The following ALDH3A1 variants were observed in gnomAD, a reference collection of about 807,000 sequenced individuals.
The protein encoded by ALDH3A1 is aldehyde dehydrogenase 3 family member A1, also known as aldehyde dehydrogenase, dimeric NADP-preferring.
ALDH3A1 carries 46 observed loss-of-function variants against 49.9 expected under a neutral mutation model. The observed-to-expected ratio is 0.92, with a 90% CI of 0.73 to 1.18. The LOEUF is 1.18. ALDH3A1 is among the 50% of genes most tolerant of loss of function. The probability of loss-of-function intolerance (pLI) is 0.00; values close to 1 mark genes in which losing one functional copy is unlikely to be tolerated. For missense variants in ALDH3A1, 592 were observed against 611.8 expected, an observed-to-expected ratio of 0.97 and a Z score of 0.34; for synonymous variants, 269 against 253.3, an observed-to-expected ratio of 1.06 and a Z score of -0.59.
chr17:19,744,277 C>T, intron 2 of ALDH3A1: 1 of 635,232 alleles, frequency 1.6e-6, no homozygotes, highest in Non-Finnish European at 2.0e-6. Context: ...GTGGTACACG[C>T]CTGTTGTCCC....
chr17:19,740,515 G>A (rs1186288729), intron 6 of ALDH3A1, 38 bp from the exon 7 acceptor site: 2 of 1,609,696 alleles, frequency 1.2e-6, no homozygotes, highest in East Asian at 4.5e-5. Context: ...TAAGGACGCA[G>A]AGCCTCGTCC....
chr17:19,742,832 G>A (rs747035030), intron 3 of ALDH3A1: 19 of 1,532,744 alleles, frequency 1.2e-5, no homozygotes, highest in South Asian at 9.6e-5. Context: ...ACGGGCACAC[G>A]CTGGCCAGAG....
chr17:19,744,093 A>G (rs1484353038), intron 2 of ALDH3A1: 4 of 985,188 alleles, frequency 4.1e-6, no homozygotes, highest in African/African-American at 1.7e-5. Flanking sequence ...GTCCTGAGCC[A>G]TTTCTTGAAA....
chr17:19,738,329 C>A lies in ALDH3A1; in HGVS notation c.1341G>T (p.Pro447=). The change falls in exon 10 of 11, where the codon CCG becomes CCT. Residue 447 remains proline (P), a synonymous_variant. Coordinates refer to ENST00000225740, the MANE Select transcript of ALDH3A1 (RefSeq NM_000691.5). ...EGLKVRYPPS[P]AKMTQH ...AGCGCCTTCCCCCTCTCACCTTGGC[C>A]GGGCTCGGGGGGTATCTGACCTTCA... is the stretch of plus-strand genomic sequence containing the variant. 6.2e-7 allele frequency: 1 copy of A among 1,612,936 alleles called. No individual in the cohort carries two copies.
At position 19,748,232 on chromosome 17, in the gene ALDH3A1, A is replaced by G. The variant is rs1264224531; in HGVS notation, c.-6+27T>C. The G allele has an allele frequency of 2.2e-6, 1 of 459,144 alleles. No homozygotes were observed. Among genetic ancestry groups the G allele is most frequent in the African/African-American group, 2.0e-5 (1 of 49,800 alleles). The allele number at this position is 459,144 out of a possible 1,614,324, so 28.4% of individuals were successfully genotyped here. A position where few individuals can be genotyped will look rare whatever the true frequency, so the allele number is the denominator to read the frequency against. ...CAGACTCCACCTAGACAAGAGAAAA[A>G]ATAAGGAATGCAGGGAAGAGGATTA... On this transcript the variant is annotated intron_variant, in intron 1 of 10. Transcript: ENST00000225740. The surrounding 1 kb of genome is among the most constrained non-coding windows in gnomAD (Gnocchi z 4.4).
At chr17:19,741,970 G>C (rs750375117) in intron 5 of ALDH3A1, 34 bp downstream of exon 5, 1 of 1,602,838 alleles carries the variant, frequency 6.2e-7, no homozygotes, top group Non-Finnish European at 8.5e-7. Flanking sequence ...AGCAGAGTAA[G>C]GACTGCTGCA....
chr17:19,741,436 G>T, intron 5 of ALDH3A1: 1 of 496,252 alleles, frequency 2.0e-6, no homozygotes, highest in Non-Finnish European at 3.7e-6. Flanking sequence ...GACGTCTGTT[G>T]AGGGCAACCT....
Position 19,743,473 on chromosome 17 carries a change from C to T in ALDH3A1, c.163-10G>A. ...AGGCGTTCCATTCATTCTGCAGCGA[C>T]AGAGCCGGAGTGAGCTTCCAGGGCC... On this transcript the variant is annotated splice_polypyrimidine_tract_variant and intron_variant, in intron 2 of 10. Coordinates refer to ENST00000225740, the MANE Select transcript of ALDH3A1 (RefSeq NM_000691.5). This position sits in a 1 kb window ranked among gnomAD's most constrained non-coding sequence, Gnocchi z 4.4. 6.3e-7 allele frequency: 1 copy of T among 1,584,218 alleles called. No individual in the cohort carries two copies. The highest frequency in any genetic ancestry group is 8.6e-7 in the Non-Finnish European group (1 of 1,162,458).
intron 1 of ALDH3A1, chr17:19,745,466 A>C: frequency 3.7e-6 from 1 of 273,544 alleles, no homozygotes; most frequent in Non-Finnish European, 6.9e-6. Flanking sequence ...TGATGGCACA[A>C]TCCCAGACCA....
At chr17:19,745,671 G>A (rs189745524) in intron 1 of ALDH3A1, 1 of 152,508 alleles carries the variant, frequency 6.6e-6, no homozygotes, top group African/African-American at 2.4e-5. Flanking sequence ...TGCCACACCT[G>A]GGAGACGCAC....
In ALDH3A1 at chr17:19,739,520, G is replaced by A. The variant is rs1478588361; in HGVS notation, c.1104C>T (p.Ser368=). 2.5e-6 allele frequency: 4 copies of A among 1,610,668 alleles called. No homozygotes were observed. The highest frequency in any genetic ancestry group is 3.4e-6 in the Non-Finnish European group (4 of 1,178,910). Residue 368 remains serine (S), a synonymous_variant, in exon 8 of 11, where the codon TCC becomes TCT. Coordinates refer to ENST00000225740, the MANE Select transcript of ALDH3A1 (RefSeq NM_000691.5). The part of the protein sequence containing the change: ...REKPLALYMF[S]SNDKVIKKMI... ...GCCCACCACCCACCTTGTCGTTGCT[G>A]GAGAACATGTAGAGGGCCAGGGGCT...
At chr17:19,744,666 G>A in intron 2 of ALDH3A1, 4 of 985,402 alleles carry the variant, frequency 4.1e-6, no homozygotes, top group Non-Finnish European at 3.6e-6. Context: ...CCTGCGTGGG[G>A]CTGAGGAATG....
intron 1 of ALDH3A1, among the ~76,000 whole-genome samples, chr17:19,747,528 G>A (rs1211460502): frequency 6.6e-6 from 1 of 152,168 alleles, no homozygotes; most frequent in Non-Finnish European, 1.5e-5. Flanking sequence ...CCCCAGCATC[G>A]CCACTTGGAA....
chr17:19,747,038 C>T (rs1485126072), intron 1 of ALDH3A1, among the ~76,000 whole-genome samples: 1 of 152,164 alleles, frequency 6.6e-6, no homozygotes, highest in African/African-American at 2.4e-5. Flanking sequence ...TTACCAGTTC[C>T]TTACTCCCCT....
chr17:19,744,276 G>T, intron 2 of ALDH3A1: 2 of 631,502 alleles, frequency 3.2e-6, no homozygotes, highest in Non-Finnish European at 3.9e-6. Context: ...GGTGGTACAC[G>T]CCTGTTGTCC....
At chr17:19,746,640 TGTGC>T (rs200576363) in intron 1 of ALDH3A1, among the ~76,000 whole-genome samples, 1,430 of 141,936 alleles carry the variant, frequency 0.01, 12 homozygotes, top group African/African-American at 0.035. Flanking sequence ...TGTGTGTGCG[TGTGC>T]GTGTGTGTGC....
chr17:19,746,711 ATGTGCGTGTG>A (rs1491130694), intron 1 of ALDH3A1, among the ~76,000 whole-genome samples: 2 of 138,406 alleles, frequency 1.4e-5, no homozygotes, highest in African/African-American at 2.8e-5. Flanking sequence ...GTGTGTGTGC[ATGTGCGTGTG>A]TGTGCGCGCG....
chr17:19,746,624 C>T (rs7209030), intron 1 of ALDH3A1, among the ~76,000 whole-genome samples: 2 of 147,460 alleles, frequency 1.4e-5, no homozygotes, highest in African/African-American at 2.6e-5. Context: ...TGTGTGTGTG[C>T]GTGTGTGTGT....
At chr17:19,746,619 G>A (rs1229660115) in intron 1 of ALDH3A1, among the ~76,000 whole-genome samples, 2 of 149,424 alleles carry the variant, frequency 1.3e-5, no homozygotes, top group African/African-American at 5.1e-5. Flanking sequence ...GCATGTGTGT[G>A]TGTGCGTGTG....
Sources: gnomAD v4.1 joint callset for allele counts (sites outside exome capture counted in the v4.1 genomes callset) on GRCh38, gnomAD v4.1.1 for gene constraint, Gnocchi (gnomAD v3.1) non-coding constraint, MANE v1.5 for transcripts, NCBI Gene and HGNC (gene_info 2026-07-23, HGNC 2026-07-21) for gene names.